Variants in SLC6A4 observed in about 807,000 individuals in gnomAD.
SLC6A4 encodes sodium-dependent serotonin transporter.
SLC6A4 carries 22 observed loss-of-function variants against 73.4 expected under a neutral mutation model. That is an observed-to-expected ratio of 0.30 (90% CI 0.21 to 0.43). SLC6A4 has a LOEUF of 0.43. Ranked by LOEUF, SLC6A4 falls within the 20% of genes least tolerant of loss-of-function variation. The pLI is 1.00. For synonymous variants in SLC6A4, 270 were observed against 315.5 expected (o/e 0.86, Z 1.53); for missense variants, 593 against 808.5 (o/e 0.73, Z 3.23).
intron 13 of SLC6A4, among the ~76,000 whole-genome samples, chr17:30,207,411 A>G (rs2143013889): frequency 6.6e-6 from 1 of 152,268 alleles, no homozygotes; most frequent in African/African-American, 2.4e-5. Context: ...TTTCTGAAAT[A>G]GAGTCTCACT....
chr17:30,200,284 C>A (rs1905992734), intron 14 of SLC6A4, among the ~76,000 whole-genome samples: 1 of 152,230 alleles, frequency 6.6e-6, no homozygotes, highest in Admixed American at 6.5e-5. Flanking sequence ...ATTCTAGTTG[C>A]CAGGCTACCG....
rs934716311 is a variant in SLC6A4 at position 30,194,623 on chromosome 17, G to A, written c.*3833C>T. On this transcript the variant is annotated 3_prime_UTR_variant, in exon 15 of 15. Transcript: ENST00000650711. The stretch of plus-strand genomic sequence containing the variant: ...TAATATATCATTTTCTTAAGATAAA[G>A]TACACCTTTAATTTTAGAGTGTAAA... 4 of 152,028 alleles carry A rather than the reference G, an allele frequency of 2.6e-5. No individual in the cohort carries two copies. Among genetic ancestry groups the A allele is most frequent in the African/African-American group, 9.7e-5 (4 of 41,412 alleles). The allele number at this position is 152,028 out of a possible 1,614,324, so 9.4% of individuals were successfully genotyped here. A position where few individuals can be genotyped will look rare whatever the true frequency, so the allele number is the denominator to read the frequency against.
rs1647734248 is a variant in SLC6A4, at chr17:30,197,783, T to A, written c.*673A>T. ...TACACAATTGAGTTGGTAGAATTTG[T>A]TAATGTAAGAAAAATTTGGGGAATT... On this transcript the variant is annotated 3_prime_UTR_variant, in exon 15 of 15. Coordinates refer to ENST00000650711, the MANE Select transcript of SLC6A4 (RefSeq NM_001045.6). The A allele has an allele frequency of 6.6e-6, 1 of 152,584 alleles. No homozygotes were observed. The highest frequency in any genetic ancestry group is 6.5e-5 in the Admixed American group (1 of 15,272). The allele number at this position is 152,584 out of a possible 1,614,324, so 9.5% of individuals were successfully genotyped here.
Position 30,221,782 on chromosome 17 carries a change from T to C in SLC6A4, c.177A>G (p.Thr59=), listed in dbSNP as rs778582584. ...TGGTGGTCGCTGGGATAGAGTGCCG[T>C]GTGTCATCTCCCGCACCAGGACTTG... The part of the protein sequence containing the change: ...AVPSPGAGDD[T]RHSIPATTTT... Residue 59 remains threonine, a synonymous_variant, in exon 3 of 15, where the codon ACA becomes ACG. Coordinates refer to ENST00000650711, the MANE Select transcript of SLC6A4 (RefSeq NM_001045.6). 1 of 1,614,180 alleles carries C rather than the reference T, an allele frequency of 6.2e-7. No homozygotes were observed. The highest frequency in any genetic ancestry group is 2.2e-5 in the East Asian group (1 of 44,880).
chr17:30,218,438 G>A, intron 4 of SLC6A4, 101 bp from the exon 5 acceptor site: 6 of 896,398 alleles, frequency 6.7e-6, no homozygotes, highest in Non-Finnish European at 1.1e-5. Flanking sequence ...GCCCAGCAGA[G>A]GGGTACACGT....
chr17:30,228,092 C>A (rs1399890107), intron 1 of SLC6A4, among the ~76,000 whole-genome samples: 1 of 152,190 alleles, frequency 6.6e-6, no homozygotes, highest in East Asian at 1.9e-4. Context: ...CAGCCAAGCC[C>A]AGACTAACTT....
At chr17:30,231,503 T>C (rs1907115834) in intron 1 of SLC6A4, among the ~76,000 whole-genome samples, 1 of 151,568 alleles carries the variant, frequency 6.6e-6, no homozygotes, top group Non-Finnish European at 1.5e-5. Flanking sequence ...TCTGTATGTA[T>C]ACATACAGAT....
At chr17:30,201,060 G>C (rs2143013196) in intron 14 of SLC6A4, among the ~76,000 whole-genome samples, 1 of 152,288 alleles carries the variant, frequency 6.6e-6, no homozygotes, top group Admixed American at 6.5e-5. Context: ...TGGGATTACA[G>C]GTGTGACCCA....
chr17:30,217,401 A>T, intron 5 of SLC6A4, 97 bp from the exon 6 acceptor site: 1 of 1,249,800 alleles, frequency 8.0e-7, no homozygotes, highest in African/African-American at 1.5e-5. Context: ...GGACAAATGG[A>T]CACGGTGCTG....
chr17:30,210,725 G>A lies in SLC6A4; in HGVS notation c.1318-79C>T, dbSNP rs566642341. ...CTTCAGGACAGTGAACAGGAGGGAG[G>A]GGTAAGGTTGCTAAGTGACTGGTCA... On this transcript the variant is annotated intron_variant, in intron 10 of 14. Transcript: ENST00000650711. 4.7e-6 allele frequency: 7 copies of A among 1,481,960 alleles called. No homozygotes were observed. The East Asian group carries it at 9.5e-5, about 20-fold the overall frequency. The allele number at this position is 1,481,960 out of a possible 1,614,324, so 91.8% of individuals were successfully genotyped here.
rs748124693 is a variant in SLC6A4, at chr17:30,221,709, T to C, written c.250A>G (p.Lys84Glu). ...LHQGERETWG[K>E]KVDFLLSVIG... ...ACTGAGAGAAGGAAATCCACCTTCT[T>C]GCCCCAGGTCTCCCGTTCCCCTTGA... The change falls in exon 3 of 15, where the codon AAG becomes GAG. Residue 84 changes from lysine (K) to glutamate (E), a missense_variant. By Grantham distance (56) the Lys-to-Glu change is moderately conservative. Transcript: ENST00000650711. The C allele has an allele frequency of 3.1e-5, 50 of 1,614,012 alleles. No individual in the cohort carries two copies. The highest frequency in any genetic ancestry group is 4.1e-5 in the Non-Finnish European group (48 of 1,180,024).
chr17:30,195,185 C>A lies in SLC6A4; in HGVS notation c.*3271G>T, dbSNP rs930837446. On this transcript the variant is annotated 3_prime_UTR_variant, in exon 15 of 15. Coordinates refer to ENST00000650711, the MANE Select transcript of SLC6A4 (RefSeq NM_001045.6). ...ATTTCAACTATATGAAACAAAAGGA[C>A]AGACATATTTAAGATTCCATCCTAA... 6.6e-6 allele frequency: 1 copy of A among 152,182 alleles called. No homozygotes were observed. The highest frequency in any genetic ancestry group is 2.4e-5 in the African/African-American group (1 of 41,442). The allele number at this position is 152,182 out of a possible 1,614,324, so 9.4% of individuals were successfully genotyped here. A position where few individuals can be genotyped will look rare whatever the true frequency, so the allele number is the denominator to read the frequency against.
intron 6 of SLC6A4, 58 bp downstream of exon 6, chr17:30,217,108 G>A (rs1419548983): frequency 1.3e-6 from 2 of 1,548,470 alleles, no homozygotes; most frequent in African/African-American, 2.7e-5. Context: ...TGGGTTTTGA[G>A]TTTGAGAGCC....
chr17:30,200,210 T>C (rs9303628), intron 14 of SLC6A4, among the ~76,000 whole-genome samples: 85,141 of 152,162 alleles, frequency 0.56, 24,635 homozygotes, highest in East Asian at 0.82. Flanking sequence ...CATGGGCTGC[T>C]GCCCTGTTGG....
At chr17:30,200,928 C>G (rs1303274976) in intron 14 of SLC6A4, among the ~76,000 whole-genome samples, 1 of 152,016 alleles carries the variant, frequency 6.6e-6, no homozygotes, top group African/African-American at 2.4e-5. Context: ...ACTACAGGTG[C>G]CCGCCACCAC....
chr17:30,231,814 T>C (rs77818453), intron 1 of SLC6A4, among the ~76,000 whole-genome samples: 1,714 of 152,222 alleles, frequency 0.011, 33 homozygotes, highest in African/African-American at 0.04. Flanking sequence ...TCCCTGTTCC[T>C]TCGGCCCAGC....
chr17:30,215,049 T>TTCTC (rs999941582), intron 8 of SLC6A4, among the ~76,000 whole-genome samples: 1 of 151,198 alleles, frequency 6.6e-6, no homozygotes, highest in Non-Finnish European at 1.5e-5. Flanking sequence ...CTTTCTTTAT[T>TTCTC]TCTCTCTCTC....
At chr17:30,209,023 C>G in intron 12 of SLC6A4, 120 bp downstream of exon 12, 3 of 664,822 alleles carry the variant, frequency 4.5e-6, no homozygotes, top group Non-Finnish European at 8.0e-6. Flanking sequence ...ACAGACCCAT[C>G]ATCGGGAGGT....
intron 1 of SLC6A4, among the ~76,000 whole-genome samples, chr17:30,228,485 A>G (rs1264615226): frequency 6.6e-6 from 1 of 152,194 alleles, no homozygotes; most frequent in Non-Finnish European, 1.5e-5. Context: ...GGCTCCCAGC[A>G]CGGGCCTCAC....
Sources: allele counts gnomAD v4.1 joint callset (sites outside exome capture counted in the v4.1 genomes callset), GRCh38; gene constraint gnomAD v4.1.1; transcripts MANE v1.5; gene names NCBI Gene and HGNC (gene_info 2026-07-23, HGNC 2026-07-21).